The following RSF1 variants were observed in gnomAD, a reference collection of about 807,000 sequenced individuals.
The protein encoded by RSF1 is HBV pX-associated protein 8.
A neutral mutation model predicts 145.2 loss-of-function variants in RSF1; 13 were observed. That is an observed-to-expected ratio of 0.09 (90% CI 0.06 to 0.14). The LOEUF is 0.14. Among genes scored for constraint, RSF1 ranks in the 10% least tolerant of loss-of-function variants. The pLI, the probability that RSF1 is intolerant of heterozygous loss-of-function variation, is 1.00. For synonymous variants in RSF1, 577 were observed against 592.6 expected (o/e 0.97, Z 0.38); for missense variants, 1,517 against 1,718.2 (o/e 0.88, Z 2.07).
intron 2 of RSF1, among the ~76,000 whole-genome samples, chr11:77,757,696 AG>A (rs1016956372): frequency 6.6e-6 from 1 of 152,156 alleles, no homozygotes; most frequent in Non-Finnish European, 1.5e-5. Flanking sequence ...AGAAAAAAAA[AG>A]AAAAAAGAAA....
chr11:77,827,154 C>T, the RSF1 span, among the ~76,000 whole-genome samples: 1 of 151,942 alleles, frequency 6.6e-6, no homozygotes, highest in Non-Finnish European at 1.5e-5. Flanking sequence ...CTGGCCCCGC[C>T]CCCCTCAGAA....
At chr11:77,680,753 A>G (rs1437045207) in intron 11 of RSF1, among the ~76,000 whole-genome samples, 4 of 152,206 alleles carry the variant, frequency 2.6e-5, no homozygotes, top group Non-Finnish European at 5.9e-5. Flanking sequence ...ATTTTTCACA[A>G]TTGCAATATT....
At chr11:77,669,186 C>A (rs1399462126) in intron 15 of RSF1, among the ~76,000 whole-genome samples, 1 of 152,178 alleles carries the variant, frequency 6.6e-6, no homozygotes, top group Non-Finnish European at 1.5e-5. Flanking sequence ...TAAAACATAT[C>A]CACAATGTGA....
At chr11:77,787,435 T>C (rs1004823865) in intron 1 of RSF1, among the ~76,000 whole-genome samples, 1 of 152,212 alleles carries the variant, frequency 6.6e-6, no homozygotes, top group Non-Finnish European at 1.5e-5. Flanking sequence ...ATTTAAATTA[T>C]AGTATCTAAA....
At chr11:77,792,311 G>C (rs1015397829) in intron 1 of RSF1, among the ~76,000 whole-genome samples, 5 of 152,080 alleles carry the variant, frequency 3.3e-5, no homozygotes, top group African/African-American at 1.2e-4. Flanking sequence ...GGGAATTCAA[G>C]ATGAGATTTG....
At chr11:77,677,173 A>G (rs1959731239) in intron 12 of RSF1, 174 bp from the exon 13 acceptor site, 1 of 605,774 alleles carries the variant, frequency 1.7e-6, no homozygotes. Context: ...TCAGAGTTTT[A>G]GCATTCGTTT....
Position 77,675,242 on chromosome 11 carries a change from A to T in RSF1, c.3356T>A (p.Phe1119Tyr). 1 of 1,612,728 alleles carries T rather than the reference A, an allele frequency of 6.2e-7. No individual in the cohort carries two copies. Among genetic ancestry groups the T allele is most frequent in the Non-Finnish European group, 8.5e-7 (1 of 1,179,702 alleles). Reference sequence around the variant, plus strand: ...ATCTGGGTTTTCATCAGACACAACAAACTCATCTTGAGATCTGTCCAAGAG... The same window carrying T: ...ATCTGGGTTTTCATCAGACACAACATACTCATCTTGAGATCTGTCCAAGAG... ...FKISDGSQDE[F>Y]VVSDENPDES... The change falls in exon 14 of 16, where the codon TTT (phenylalanine) becomes TAT (tyrosine). Residue 1119 changes from phenylalanine (F) to tyrosine (Y), a missense_variant. Physicochemically the swap from Phe to Tyr is conservative, Grantham distance 22. Coordinates refer to ENST00000308488, the MANE Select transcript of RSF1 (RefSeq NM_016578.4).
intron 5 of RSF1, among the ~76,000 whole-genome samples, chr11:77,723,037 G>C (rs1960975305): frequency 1.3e-5 from 2 of 152,128 alleles, no homozygotes; most frequent in African/African-American, 4.8e-5. Flanking sequence ...TTGTGTATGG[G>C]AATAAGAAAA....
intron 1 of RSF1, among the ~76,000 whole-genome samples, chr11:77,791,818 G>A (rs948343658): frequency 1.3e-5 from 2 of 152,066 alleles, no homozygotes; most frequent in East Asian, 1.9e-4. Context: ...TCGCTATCAG[G>A]CTTTTGGTCA....
chr11:77,715,178 A>G (rs976400937), intron 5 of RSF1, among the ~76,000 whole-genome samples: 3 of 152,148 alleles, frequency 2.0e-5, no homozygotes, highest in African/African-American at 7.2e-5. Flanking sequence ...AAATTATTTA[A>G]GTTCTTTAAA....
chr11:77,862,912 A>T, the RSF1 span, among the ~76,000 whole-genome samples: 1 of 152,102 alleles, frequency 6.6e-6, no homozygotes, highest in Non-Finnish European at 1.5e-5. Flanking sequence ...TCTCCAGAAT[A>T]TATCTTAGGG....
intron 8 of RSF1, chr11:77,691,689 C>A (rs1544272): frequency 0.18 from 27,381 of 152,490 alleles, 3,104 homozygotes; most frequent in African/African-American, 0.3. Flanking sequence ...CTAATTGATC[C>A]CAACCAGTTA....
At chr11:77,835,823 AG>A in the RSF1 span, among the ~76,000 whole-genome samples, 1 of 152,142 alleles carries the variant, frequency 6.6e-6, no homozygotes, top group African/African-American at 2.4e-5. Context: ...AGGGTGGCTG[AG>A]GCACAAGAAT....
At chr11:77,794,521 T>C (rs1283255040) in intron 1 of RSF1, among the ~76,000 whole-genome samples, 1 of 150,510 alleles carries the variant, frequency 6.6e-6, no homozygotes, top group African/African-American at 2.4e-5. Flanking sequence ...TGTCTATAAA[T>C]AAAAAATAAA....
intron 3 of RSF1, among the ~76,000 whole-genome samples, chr11:77,742,627 C>G (rs1483505075): frequency 6.6e-6 from 1 of 152,124 alleles, no homozygotes; most frequent in Non-Finnish European, 1.5e-5. Context: ...TATCTCTTGT[C>G]TTGTCTTTTT....
At chr11:77,846,259 C>T in the RSF1 span, among the ~76,000 whole-genome samples, 1 of 152,142 alleles carries the variant, frequency 6.6e-6, no homozygotes, top group South Asian at 2.1e-4. Context: ...ATGTGTCTAC[C>T]AGTTGCCTTT....
rs1348724726 is a variant in RSF1, at chr11:77,667,405, C to T, written c.3838G>A (p.Glu1280Lys). ...TCCTCCTCATCTGCTTCTGAATACTCGTCTGTGCTTCGGCCCCGCTTTCGA... is the reference window on the plus strand; with the variant it reads ...TCCTCCTCATCTGCTTCTGAATACTTGTCTGTGCTTCGGCCCCGCTTTCGA... ...SVRKRGRSTD[E>K]YSEADEEEEE... The change falls in exon 16 of 16, where the codon GAG (glutamate) becomes AAG (lysine). Residue 1280 changes from glutamate to lysine, a missense_variant. By Grantham distance (56) the Glu-to-Lys change is moderately conservative (BLOSUM62 1). Coordinates refer to ENST00000308488, the MANE Select transcript of RSF1 (RefSeq NM_016578.4). 8 of 1,613,932 alleles carry T rather than the reference C, an allele frequency of 5.0e-6. No homozygotes were observed. Among genetic ancestry groups the T allele is most frequent in the African/African-American group, 1.3e-5 (1 of 74,936 alleles).
intron 5 of RSF1, among the ~76,000 whole-genome samples, chr11:77,723,935 G>A (rs769425542): frequency 3.3e-5 from 5 of 152,140 alleles, no homozygotes; most frequent in Non-Finnish European, 7.4e-5. Context: ...CTCAGGACTT[G>A]GCTCTGTCTT....
chr11:77,766,421 G>A (rs1261489745), intron 1 of RSF1, among the ~76,000 whole-genome samples: 1 of 152,116 alleles, frequency 6.6e-6, no homozygotes, highest in Non-Finnish European at 1.5e-5. Flanking sequence ...CTTTCAGTGG[G>A]TCAAATACTA....
Sources: allele counts gnomAD v4.1 joint callset (sites outside exome capture counted in the v4.1 genomes callset), GRCh38; gene constraint gnomAD v4.1.1; transcripts MANE v1.5; gene names NCBI Gene and HGNC (gene_info 2026-07-23, HGNC 2026-07-21).